PRKG1: variants seen among roughly 807,000 people sequenced by gnomAD.
PRKG1 encodes the protein cGMP-dependent protein kinase 1.
In PRKG1, 35 loss-of-function variants were observed where a neutral mutation model predicts 88.1. The observed-to-expected ratio is 0.40, with a 90% CI of 0.30 to 0.53. The LOEUF is 0.53. Among genes scored for constraint, PRKG1 ranks in the 20% least tolerant of loss-of-function variants. The pLI is 0.59. For synonymous variants in PRKG1, 303 were observed against 292.5 expected (o/e 1.04, Z -0.37); for missense variants, 540 against 839.8 (o/e 0.64, Z 4.41).
In PRKG1 at chr10:52,193,912, T is replaced by A. The variant is rs375933715; in HGVS notation, c.1076+31949T>A. 4.6e-5 allele frequency among the ~76,000 whole-genome samples: 7 copies of A among 152,274 alleles called. 1 individual carries two copies. In the East Asian group the frequency reaches 1.2e-3, roughly 25 times the overall value. The stretch of plus-strand genomic sequence containing the variant: ...AATTTGGACGAAACTCCAAGTAGAT[T>A]TTATAAGATTTCTCTAAATCCCTTT... On this transcript the variant is annotated intron_variant, in intron 9 of 17. Coordinates refer to ENST00000373980, the MANE Select transcript of PRKG1 (RefSeq NM_006258.4).
At chr10:51,750,182 C>T (rs945113083) in intron 3 of PRKG1, among the ~76,000 whole-genome samples, 1 of 152,036 alleles carries the variant, frequency 6.6e-6, no homozygotes, top group Non-Finnish European at 1.5e-5. Context: ...GTGATCCACC[C>T]ACCTCGGACC....
At chr10:52,185,737 T>C (rs1292625372) in intron 9 of PRKG1, among the ~76,000 whole-genome samples, 1 of 152,230 alleles carries the variant, frequency 6.6e-6, no homozygotes, top group Non-Finnish European at 1.5e-5. Flanking sequence ...AAGCCTCTTT[T>C]ACTCTTGCAT....
intron 3 of PRKG1, among the ~76,000 whole-genome samples, chr10:51,694,208 A>G (rs560748139): frequency 6.6e-6 from 1 of 152,278 alleles, no homozygotes; most frequent in East Asian, 1.9e-4. Flanking sequence ...TCTCTGCCAC[A>G]GTAGGTTGTT....
At chr10:52,191,574 G>A (rs1839365782) in intron 9 of PRKG1, among the ~76,000 whole-genome samples, 1 of 152,042 alleles carries the variant, frequency 6.6e-6, no homozygotes. Flanking sequence ...CTTTGTAAAG[G>A]TTCATTAAAC....
chr10:51,160,058 C>T (rs1207912738), intron 2 of PRKG1, among the ~76,000 whole-genome samples: 1 of 152,110 alleles, frequency 6.6e-6, no homozygotes, highest in African/African-American at 2.4e-5. Context: ...TTCCTTGTGG[C>T]TGAACCATAA....
intron 9 of PRKG1, among the ~76,000 whole-genome samples, chr10:52,193,335 A>G (rs904391924): frequency 1.3e-5 from 2 of 152,046 alleles, no homozygotes; most frequent in African/African-American, 4.8e-5. Context: ...ACCTGAGGTC[A>G]GGAGTTTGAG....
At chr10:51,085,913 C>T (rs1477856323) in intron 1 of PRKG1, among the ~76,000 whole-genome samples, 1 of 151,998 alleles carries the variant, frequency 6.6e-6, no homozygotes, top group Admixed American at 6.6e-5. Flanking sequence ...AGAATTTTAT[C>T]CTTGGTCAGG....
intron 3 of PRKG1, among the ~76,000 whole-genome samples, chr10:51,586,049 G>A (rs530583879): frequency 2.4e-4 from 37 of 152,098 alleles, no homozygotes; most frequent in Middle Eastern, 3.4e-3. Context: ...TGGGTGACAG[G>A]ATCAATGATA....
At chr10:51,052,101 TAA>T (rs945917559) in intron 1 of PRKG1, among the ~76,000 whole-genome samples, 2 of 152,134 alleles carry the variant, frequency 1.3e-5, no homozygotes, top group African/African-American at 2.4e-5. Context: ...ACAATAAAAA[TAA>T]AAGACAATAA....
At chr10:51,522,776 AT>A (rs1270148465) in intron 3 of PRKG1, among the ~76,000 whole-genome samples, 1 of 152,134 alleles carries the variant, frequency 6.6e-6, no homozygotes, top group Admixed American at 6.5e-5. Flanking sequence ...TTTAAAGAAT[AT>A]TATGTCAGTG....
At chr10:51,926,400 C>A (rs1165070763) in intron 5 of PRKG1, among the ~76,000 whole-genome samples, 1 of 152,058 alleles carries the variant, frequency 6.6e-6, no homozygotes, top group Non-Finnish European at 1.5e-5. Flanking sequence ...ATTCAGCAAG[C>A]TTTGTCTTTT....
At chr10:52,031,573 A>G (rs1845475343) in intron 5 of PRKG1, among the ~76,000 whole-genome samples, 1 of 152,216 alleles carries the variant, frequency 6.6e-6, no homozygotes, top group African/African-American at 2.4e-5. Context: ...CATGAATATT[A>G]GTGTTTTTAA....
intron 5 of PRKG1, among the ~76,000 whole-genome samples, chr10:52,034,058 A>T (rs1160769624): frequency 1.3e-5 from 2 of 151,726 alleles, no homozygotes; most frequent in African/African-American, 4.8e-5. Context: ...CTGGCCATTT[A>T]CACTTCTTTT....
At chr10:51,838,031 A>G (rs1369654974) in intron 4 of PRKG1, among the ~76,000 whole-genome samples, 2 of 151,664 alleles carry the variant, frequency 1.3e-5, no homozygotes, top group Non-Finnish European at 2.9e-5. Flanking sequence ...GGGAAAGTCT[A>G]AAGCCAATTT....
At chr10:52,013,138 G>A (rs897584561) in intron 5 of PRKG1, among the ~76,000 whole-genome samples, 1 of 151,910 alleles carries the variant, frequency 6.6e-6, no homozygotes, top group East Asian at 1.9e-4. Flanking sequence ...GGTTGGGAGG[G>A]CCGGGTGCGG....
intron 3 of PRKG1, among the ~76,000 whole-genome samples, chr10:51,754,016 T>C (rs79813501): frequency 0.022 from 3,401 of 152,210 alleles, 111 homozygotes; most frequent in African/African-American, 0.076. Context: ...ACATGGACTC[T>C]TGAATCCTGG....
At chr10:51,606,138 A>G (rs1838760571) in intron 3 of PRKG1, among the ~76,000 whole-genome samples, 1 of 152,170 alleles carries the variant, frequency 6.6e-6, no homozygotes. Flanking sequence ...TAAATTTTCA[A>G]TAAATGGTAG....
intron 5 of PRKG1, chr10:51,910,909 G>A (rs1842202037): frequency 6.6e-6 from 1 of 152,112 alleles, no homozygotes; most frequent in Non-Finnish European, 1.5e-5. Context: ...TCTGGAGTAG[G>A]GCTATAAGAA....
At chr10:51,366,936 GA>G (rs1339600481) in intron 2 of PRKG1, among the ~76,000 whole-genome samples, 1 of 151,786 alleles carries the variant, frequency 6.6e-6, no homozygotes, top group African/African-American at 2.4e-5. Context: ...AAAAATTAAT[GA>G]CTAAACCAAG....
Sources: gnomAD v4.1 joint callset for allele counts (sites outside exome capture counted in the v4.1 genomes callset) on GRCh38, gnomAD v4.1.1 for gene constraint, MANE v1.5 for transcripts, NCBI Gene and HGNC (gene_info 2026-07-23, HGNC 2026-07-21) for gene names.